The following HEG1 variants were observed in gnomAD, a reference collection of about 807,000 sequenced individuals.
HEG1 encodes heart development protein with EGF like domains 1.
Under a neutral mutation model 125.6 loss-of-function variants are expected in HEG1, and 56 were observed. The ratio of observed to expected loss-of-function variants is 0.45; its 90% CI spans 0.36 to 0.56. HEG1 has a LOEUF of 0.56. HEG1 is among the 20% of genes least tolerant of loss of function. The probability of loss-of-function intolerance (pLI) is 0.00; values close to 1 mark genes in which losing one functional copy is unlikely to be tolerated. For synonymous variants in HEG1, 644 were observed against 668.5 expected, an observed-to-expected ratio of 0.96 and a Z score of 0.57; for missense variants, 1,523 against 1,670.0, an observed-to-expected ratio of 0.91 and a Z score of 1.53.
intron 8 of HEG1, among the ~76,000 whole-genome samples, chr3:125,008,678 A>T (rs1937106577): frequency 6.6e-6 from 1 of 152,186 alleles, no homozygotes. Context: ...CATGCCTGTA[A>T]TCCCAGCTAT....
In HEG1 at chr3:124,966,938, T is replaced by G. The variant is rs1439204541; in HGVS notation, c.*3714A>C. 3 of 152,224 alleles carry G rather than the reference T, an allele frequency of 2.0e-5. No homozygotes were observed. The highest frequency in any genetic ancestry group is 7.2e-5 in the African/African-American group (3 of 41,438). 9.4% of individuals were successfully genotyped at this position (152,224 alleles called of 1,614,324 possible). A position where few individuals can be genotyped will look rare whatever the true frequency, so the allele number is the denominator to read the frequency against. ...ATAGGTGTCATCCTTCAATGGCATA[T>G]TCTTGGGTAGCCATCCAGCCTAGGA... is the stretch of plus-strand genomic sequence containing the variant. On this transcript the variant is annotated 3_prime_UTR_variant, in exon 17 of 17. Transcript: ENST00000311127.
intron 16 of HEG1, 149 bp downstream of exon 16, chr3:124,973,582 G>A (rs963415579): frequency 1.7e-6 from 1 of 584,878 alleles, no homozygotes. Flanking sequence ...CAAATAGACT[G>A]TAGGTAAACT....
chr3:125,004,248 A>G (rs1217361486), intron 9 of HEG1, among the ~76,000 whole-genome samples: 1 of 152,216 alleles, frequency 6.6e-6, no homozygotes, highest in Non-Finnish European at 1.5e-5. Context: ...TATAATTCCT[A>G]GCTAATATAC....
intron 9 of HEG1, among the ~76,000 whole-genome samples, chr3:125,003,484 C>T (rs1317408701): frequency 6.6e-6 from 1 of 152,124 alleles, no homozygotes; most frequent in Non-Finnish European, 1.5e-5. Flanking sequence ...TAACCTTGGC[C>T]CCAGGGAAGT....
intron 14 of HEG1, among the ~76,000 whole-genome samples, chr3:124,984,027 A>C (rs1936698514): frequency 6.6e-6 from 1 of 152,092 alleles, no homozygotes; most frequent in Non-Finnish European, 1.5e-5. Flanking sequence ...CTTCCTCCTA[A>C]GCAGTTTAGT....
In HEG1 at chr3:125,032,532, A is replaced by G. The variant is rs554227021; in HGVS notation, c.317-3044T>C. 4.6e-5 allele frequency among the ~76,000 whole-genome samples: 7 copies of G among 152,318 alleles called. No individual in the cohort carries two copies. In the South Asian group the frequency reaches 8.3e-4, roughly 18 times the overall value. ...GAAGGGCGTTTCCAGGGGCAGCCACAAGGCCTGTAAGTTCAGCTTGAGAGA... is the reference window on the plus strand; with the variant it reads ...GAAGGGCGTTTCCAGGGGCAGCCACGAGGCCTGTAAGTTCAGCTTGAGAGA... On this transcript the variant is annotated intron_variant, in intron 1 of 16. Transcript: ENST00000311127.
chr3:124,999,204 C>T (rs1936966593), intron 11 of HEG1, among the ~76,000 whole-genome samples: 1 of 152,142 alleles, frequency 6.6e-6, no homozygotes, highest in Non-Finnish European at 1.5e-5. Context: ...GAATTTCCTG[C>T]CTTTATCAGT....
At chr3:125,053,587 G>A (rs1937864390) in intron 1 of HEG1, among the ~76,000 whole-genome samples, 1 of 152,170 alleles carries the variant, frequency 6.6e-6, no homozygotes, top group Admixed American at 6.5e-5. Flanking sequence ...AGGAGACCAA[G>A]AGAACCTACC....
At chr3:125,014,860 T>C in intron 5 of HEG1, 1 of 1,289,860 alleles carries the variant, frequency 7.8e-7, no homozygotes, top group East Asian at 5.6e-5. Flanking sequence ...ATGCTGGTGT[T>C]GGTGAGGGTG....
intron 11 of HEG1, among the ~76,000 whole-genome samples, chr3:124,998,406 G>A (rs1936955565): frequency 3.9e-5 from 6 of 152,216 alleles, no homozygotes; most frequent in Admixed American, 3.9e-4. Context: ...GGAGAGATCT[G>A]AAAGACAATC....
rs1036659023 is a variant in HEG1 at position 125,035,548 on chromosome 3, C to T, written c.317-6060G>A. ...AGAGAGAAAACTATAATCGTATATT[C>T]GGCAAAGCTATCTTTGAGAAACATC... On this transcript the variant is annotated intron_variant, in intron 1 of 16. Transcript: ENST00000311127. Among the ~76,000 whole-genome samples, 7 of 152,054 alleles carry T rather than the reference C, an allele frequency of 4.6e-5. No homozygotes were observed. In the East Asian group the frequency reaches 9.6e-4, roughly 21 times the overall value.
chr3:125,030,631 T>C (rs1208312070), intron 1 of HEG1, among the ~76,000 whole-genome samples: 3 of 152,184 alleles, frequency 2.0e-5, no homozygotes, highest in East Asian at 3.8e-4. Flanking sequence ...AAAATAATAA[T>C]AACAGTAAAT....
chr3:125,020,952 T>C lies in HEG1; in HGVS notation c.1092A>G (p.Arg364=). ...SKTEGFPKDS[R]IATTSSSVLL... is the part of the protein sequence containing the mutation. ...GGACTGAGGATGAAGTCGTGGCAAT[T>C]CTGGAGTCCTTGGGGAAGCCTTCTG... is the stretch of plus-strand genomic sequence containing the variant. The change falls in exon 4 of 17, where the codon AGA becomes AGG. Residue 364 remains arginine (R), a synonymous_variant. Coordinates refer to ENST00000311127, the MANE Select transcript of HEG1 (RefSeq NM_020733.2). The C allele has an allele frequency of 1.2e-6, 2 of 1,613,998 alleles. No homozygotes were observed. Among genetic ancestry groups the C allele is most frequent in the Non-Finnish European group, 1.7e-6 (2 of 1,179,896 alleles).
At chr3:124,980,897 C>T (rs1936637837) in intron 14 of HEG1, among the ~76,000 whole-genome samples, 1 of 151,300 alleles carries the variant, frequency 6.6e-6, no homozygotes, top group Non-Finnish European at 1.5e-5. Flanking sequence ...CTATGTTGCC[C>T]ACACTGGAGT....
At chr3:125,035,245 AGTG>A (rs1268767462) in intron 1 of HEG1, among the ~76,000 whole-genome samples, 1 of 149,048 alleles carries the variant, frequency 6.7e-6, no homozygotes, top group Non-Finnish European at 1.5e-5. Flanking sequence ...GGCTTACAGA[AGTG>A]GTAATATTTT....
chr3:125,009,666 T>C, intron 8 of HEG1, 39 bp downstream of exon 8: 2 of 1,565,354 alleles, frequency 1.3e-6, no homozygotes, highest in Non-Finnish European at 8.7e-7. Context: ...AAATATATTG[T>C]GGTACGGAAT....
intron 1 of HEG1, among the ~76,000 whole-genome samples, chr3:125,048,962 C>T (rs371984877): frequency 2.0e-4 from 30 of 152,088 alleles, no homozygotes; most frequent in East Asian, 1.3e-3. Flanking sequence ...TGCTAACTGC[C>T]GACATGGGAA....
chr3:124,977,408 T>G (rs957749386), intron 15 of HEG1, among the ~76,000 whole-genome samples: 2 of 152,216 alleles, frequency 1.3e-5, no homozygotes, highest in African/African-American at 2.4e-5. Context: ...ATTCAAGTGT[T>G]TGTCCAGTTT....
chr3:125,028,659 T>A (rs371033535), intron 2 of HEG1, among the ~76,000 whole-genome samples: 2 of 152,232 alleles, frequency 1.3e-5, no homozygotes, highest in African/African-American at 4.8e-5. Context: ...CATGATCTCA[T>A]AGGCTTGCTA....
Sources: gnomAD v4.1 joint callset for allele counts (sites outside exome capture counted in the v4.1 genomes callset) on GRCh38, gnomAD v4.1.1 for gene constraint, MANE v1.5 for transcripts, NCBI Gene and HGNC (gene_info 2026-07-23, HGNC 2026-07-21) for gene names.